The following LEPR variants were observed in gnomAD, a reference collection of about 807,000 sequenced individuals.
LEPR encodes OB receptor.
In LEPR, 56 loss-of-function variants were observed where a neutral mutation model predicts 114.7. The observed-to-expected ratio is 0.49, with a 90% CI of 0.39 to 0.61. The LOEUF (loss-of-function observed/expected upper bound fraction) is 0.61. LEPR is among the 20% of genes least tolerant of loss of function. The pLI, the probability that LEPR is intolerant of heterozygous loss-of-function variation, is 0.00. For synonymous variants in LEPR, 443 were observed against 461.4 expected (o/e 0.96, Z 0.51); for missense variants, 1,202 against 1,352.9 (o/e 0.89, Z 1.75).
chr1:65,461,077 G>A (rs1033533750), intron 2 of LEPR, among the ~76,000 whole-genome samples: 3 of 150,808 alleles, frequency 2.0e-5, no homozygotes, highest in Non-Finnish European at 4.4e-5. Context: ...CTGGGTTCAA[G>A]CAATTCTCCT....
intron 8 of LEPR, 126 bp downstream of exon 8, chr1:65,598,930 TG>T (rs1266108186): frequency 7.0e-7 from 1 of 1,431,400 alleles, no homozygotes; most frequent in Non-Finnish European, 9.5e-7. Flanking sequence ...TCAACTTCCT[TG>T]TTTAAACTTT....
At chr1:65,467,195 G>C (rs995188377) in intron 2 of LEPR, among the ~76,000 whole-genome samples, 18 of 152,040 alleles carry the variant, frequency 1.2e-4, no homozygotes, top group Admixed American at 2.6e-4. Context: ...TGATGTTATT[G>C]ACCTACTGAT....
intron 2 of LEPR, among the ~76,000 whole-genome samples, chr1:65,495,208 C>G (rs1648090686): frequency 6.6e-6 from 1 of 151,988 alleles, no homozygotes; most frequent in Non-Finnish European, 1.5e-5. Context: ...GCTGAAACAA[C>G]TCAATAGCAA....
At chr1:65,548,338 G>A (rs1379593044) in intron 2 of LEPR, among the ~76,000 whole-genome samples, 1 of 152,138 alleles carries the variant, frequency 6.6e-6, no homozygotes, top group Non-Finnish European at 1.5e-5. Flanking sequence ...TTGGTGCAGA[G>A]GTGAGTTCAA....
At chr1:65,622,127 A>G (rs980161352) in intron 18 of LEPR, among the ~76,000 whole-genome samples, 5 of 152,136 alleles carry the variant, frequency 3.3e-5, no homozygotes, top group African/African-American at 1.2e-4. Context: ...ACATAACTTC[A>G]AGGAAGAATT....
In LEPR at chr1:65,500,166, C is replaced by A. The variant is rs543176416; in HGVS notation, c.-20-65380C>A. On this transcript the variant is annotated intron_variant, in intron 2 of 19. Transcript: ENST00000349533. ...CACCTTCTGCCATGATTGTAAGTTT[C>A]CTGAGGCCTCCTCAGCCATGTGGAA... 2.6e-5 allele frequency among the ~76,000 whole-genome samples: 4 copies of A among 152,184 alleles called. No individual in the cohort carries two copies. The South Asian group carries it at 8.3e-4, about 32-fold the overall frequency.
intron 1 of LEPR, among the ~76,000 whole-genome samples, chr1:65,423,482 T>A (rs577218413): frequency 3.9e-5 from 6 of 152,088 alleles, no homozygotes; most frequent in Admixed American, 2.0e-4. Context: ...ACAGGCCTCA[T>A]GGAGGAGGGG....
At chr1:65,468,002 G>A (rs1338361160) in intron 2 of LEPR, among the ~76,000 whole-genome samples, 1 of 152,230 alleles carries the variant, frequency 6.6e-6, no homozygotes, top group African/African-American at 2.4e-5. Context: ...TCCCGGGTGA[G>A]GTGATGCCCT....
chr1:65,549,785 G>T (rs1050605945), intron 2 of LEPR, among the ~76,000 whole-genome samples: 1 of 152,150 alleles, frequency 6.6e-6, no homozygotes, highest in African/African-American at 2.4e-5. Context: ...GGAGTAGTTT[G>T]ATCGTCTGAA....
intron 18 of LEPR, 33 bp from the exon 19 acceptor site, chr1:65,622,873 C>G (rs75331844): frequency 6.2e-7 from 1 of 1,609,850 alleles, no homozygotes; most frequent in Non-Finnish European, 8.5e-7. Context: ...GGATGTTTTT[C>G]TCTAATTTTG....
chr1:65,425,697 A>G (rs1646348804), intron 2 of LEPR, among the ~76,000 whole-genome samples: 1 of 152,274 alleles, frequency 6.6e-6, no homozygotes, highest in Non-Finnish European at 1.5e-5. Context: ...CGGTCTAGTC[A>G]GTAATCTGGC....
At chr1:65,513,172 G>A (rs1649112281) in intron 2 of LEPR, among the ~76,000 whole-genome samples, 1 of 152,176 alleles carries the variant, frequency 6.6e-6, no homozygotes, top group East Asian at 1.9e-4. Flanking sequence ...TTCCAGCTTG[G>A]AGCTCTTGCT....
chr1:65,550,949 C>A lies in LEPR; in HGVS notation c.-20-14597C>A, dbSNP rs749976386. ...GCTGTAGACCAGAGCTGTTCCTATT[C>A]GGCCACCTTGGCTCCTCCCCCCATC... On this transcript the variant is annotated intron_variant, in intron 2 of 19. Transcript: ENST00000349533. Among the ~76,000 whole-genome samples, 5 of 151,972 alleles carry A rather than the reference C, an allele frequency of 3.3e-5. No homozygotes were observed. The South Asian group carries it at 8.3e-4, about 25-fold the overall frequency.
At chr1:65,613,534 A>C (rs1422555028) in intron 14 of LEPR, among the ~76,000 whole-genome samples, 1 of 98,348 alleles carries the variant, frequency 1.0e-5, no homozygotes, top group South Asian at 2.7e-4. Flanking sequence ...CGGGTGGATC[A>C]CGAGGTCAGG....
At chr1:65,551,215 A>G (rs74692080) in intron 2 of LEPR, among the ~76,000 whole-genome samples, 71 of 152,134 alleles carry the variant, frequency 4.7e-4, no homozygotes, top group Non-Finnish European at 5.1e-4. Context: ...TAGTATCAGG[A>G]TGATGCGGGC....
At chr1:65,552,818 C>T (rs1025011434) in intron 2 of LEPR, among the ~76,000 whole-genome samples, 1 of 152,144 alleles carries the variant, frequency 6.6e-6, no homozygotes. Context: ...TGTTGATGGT[C>T]TTTACTATTT....
intron 2 of LEPR, among the ~76,000 whole-genome samples, chr1:65,534,024 T>C (rs1650585819): frequency 6.6e-6 from 1 of 152,186 alleles, no homozygotes; most frequent in Admixed American, 6.5e-5. Context: ...ATGTTTTAGA[T>C]GTGTCTGTAG....
In LEPR at chr1:65,565,843, T is replaced by TCACACACA. The variant is rs67805092; in HGVS notation, c.40+239_40+240insACACACAC. Among the ~76,000 whole-genome samples, 171 of 150,514 alleles carry TCACACACA rather than the reference T, an allele frequency of 1.1e-3. 2 individuals carry two copies. The highest frequency in any genetic ancestry group is 3.1e-3 in the African/African-American group (127 of 40,888). ...GTATCCTTCCAGAATCCTCTCTCTC[T>TCACACACA]CTCACACACACACACACACAGACTC... On this transcript the variant is annotated intron_variant, in intron 3 of 19. Transcript: ENST00000349533.
At chr1:65,433,162 C>T in intron 2 of LEPR, 1 of 985,498 alleles carries the variant, frequency 1.0e-6, no homozygotes, top group Non-Finnish European at 1.2e-6. Context: ...AGCTCCTTCC[C>T]TCTGCCCCCC....
Sources: allele counts gnomAD v4.1 joint callset (sites outside exome capture counted in the v4.1 genomes callset), GRCh38; gene constraint gnomAD v4.1.1; transcripts MANE v1.5; gene names NCBI Gene and HGNC (gene_info 2026-07-23, HGNC 2026-07-21).